COG7: variants seen among roughly 807,000 people sequenced by gnomAD.
COG7 encodes conserved oligomeric Golgi complex subunit 7.
A neutral mutation model predicts 91.5 loss-of-function variants in COG7; 49 were observed. That is an observed-to-expected ratio of 0.54 (90% CI 0.43 to 0.68). The LOEUF is 0.68. COG7 is among the 30% of genes least tolerant of loss of function. The pLI, the probability that COG7 is intolerant of heterozygous loss-of-function variation, is 0.00. For synonymous variants in COG7, 365 were observed against 388.7 expected, an observed-to-expected ratio of 0.94 and a Z score of 0.72; for missense variants, 895 against 961.3, an observed-to-expected ratio of 0.93 and a Z score of 0.91.
At chr16:23,448,445 T>C (rs1338454909) in intron 1 of COG7, among the ~76,000 whole-genome samples, 1 of 152,158 alleles carries the variant, frequency 6.6e-6, no homozygotes, top group Non-Finnish European at 1.5e-5. Flanking sequence ...ACTACAAGCA[T>C]GAACCACCAT....
At chr16:23,417,596 A>T in intron 8 of COG7, among the ~76,000 whole-genome samples, 1 of 151,832 alleles carries the variant, frequency 6.6e-6, no homozygotes, top group East Asian at 1.9e-4. Context: ...GCGAAACCCC[A>T]TCTCTACAAA....
intron 6 of COG7, among the ~76,000 whole-genome samples, chr16:23,427,485 A>C (rs1357736522): frequency 3.9e-5 from 6 of 152,008 alleles, no homozygotes; most frequent in Non-Finnish European, 8.8e-5. Context: ...AAAGAAAAAA[A>C]AAAAACAAAA....
In COG7 at chr16:23,453,139, C is replaced by A; in HGVS notation, c.-145G>T. 6.9e-7 allele frequency: 1 copy of A among 1,457,994 alleles called. No homozygotes were observed. The highest frequency in any genetic ancestry group is 1.4e-5 in the South Asian group (1 of 72,242). The allele number at this position is 1,457,994 out of a possible 1,614,324, so 90.3% of individuals were successfully genotyped here. On this transcript the variant is annotated 5_prime_UTR_variant, in exon 1 of 17. In the 5' UTR this introduces an upstream ATG that the reference lacks. Transcript: ENST00000307149. ...AAACGCCAGGACGGGTAACTTGCCC[C>A]TTTGCGCTTCCCCGCTCAGCGCACT...
At chr16:23,451,199 A>G (rs1295381583) in intron 1 of COG7, among the ~76,000 whole-genome samples, 1 of 152,162 alleles carries the variant, frequency 6.6e-6, no homozygotes, top group South Asian at 2.1e-4. Context: ...TCTCAAAAAA[A>G]ACAAAAAAAC....
At chr16:23,445,788 C>CAGGAGCCAAA in intron 2 of COG7, 25 bp downstream of exon 2, 1 of 1,612,856 alleles carries the variant, frequency 6.2e-7, no homozygotes, top group Non-Finnish European at 8.5e-7. Context: ...CCATTTACAA[C>CAGGAGCCAAA]AGGAGCCAAA....
chr16:23,445,217 C>G (rs1342203676), intron 2 of COG7, 53 bp from the exon 3 acceptor site: 3 of 1,236,484 alleles, frequency 2.4e-6, no homozygotes, highest in Non-Finnish European at 3.6e-6. Flanking sequence ...TTTTCTCCAT[C>G]TGCCACCAGG....
intron 13 of COG7, among the ~76,000 whole-genome samples, chr16:23,400,302 G>A (rs1963353014): frequency 6.6e-6 from 1 of 152,204 alleles, no homozygotes; most frequent in African/African-American, 2.4e-5. Flanking sequence ...GCTCAGAGAT[G>A]ATGAGAATCC....
At chr16:23,394,152 A>G (rs1963246461) in intron 14 of COG7, among the ~76,000 whole-genome samples, 1 of 152,188 alleles carries the variant, frequency 6.6e-6, no homozygotes, top group Non-Finnish European at 1.5e-5. Flanking sequence ...TGTTTGAAAA[A>G]AAGCCATTTA....
At chr16:23,444,488 G>C (rs889831149) in intron 3 of COG7, among the ~76,000 whole-genome samples, 3 of 149,548 alleles carry the variant, frequency 2.0e-5, no homozygotes, top group East Asian at 2.0e-4. Flanking sequence ...TTCTCTGCCT[G>C]TGCTGGTTTT....
At chr16:23,402,235 A>G (rs1041474431) in intron 13 of COG7, among the ~76,000 whole-genome samples, 1 of 152,182 alleles carries the variant, frequency 6.6e-6, no homozygotes, top group African/African-American at 2.4e-5. Flanking sequence ...CTGATGCCCA[A>G]TCAGCCTTTA....
At chr16:23,397,232 T>C (rs750802571) in intron 14 of COG7, among the ~76,000 whole-genome samples, 27 of 152,190 alleles carry the variant, frequency 1.8e-4, no homozygotes, top group Admixed American at 3.3e-4. Flanking sequence ...ACTTCTAAAA[T>C]TCCTTTCTAG....
At chr16:23,431,998 T>C (rs1280957476) in intron 6 of COG7, among the ~76,000 whole-genome samples, 1 of 151,680 alleles carries the variant, frequency 6.6e-6, no homozygotes, top group African/African-American at 2.4e-5. Context: ...TTTTTTTTAA[T>C]TAGCCAGGCA....
chr16:23,393,062 A>G (rs1256320366), intron 15 of COG7, among the ~76,000 whole-genome samples, 171 bp downstream of exon 15: 1 of 152,182 alleles, frequency 6.6e-6, no homozygotes, highest in Non-Finnish European at 1.5e-5. Context: ...AGATTTTTCA[A>G]GTTGTGATAT....
intron 4 of COG7, among the ~76,000 whole-genome samples, chr16:23,440,759 G>A (rs1000669653): frequency 2.0e-5 from 3 of 152,026 alleles, no homozygotes; most frequent in African/African-American, 7.2e-5. Flanking sequence ...ACCCGGCCGA[G>A]AACAGATACT....
At chr16:23,443,050 A>G (rs1489867944) in intron 3 of COG7, among the ~76,000 whole-genome samples, 2 of 152,008 alleles carry the variant, frequency 1.3e-5, no homozygotes, top group Admixed American at 1.3e-4. Flanking sequence ...AAAACAAAAA[A>G]CCTGTACTCA....
intron 6 of COG7, among the ~76,000 whole-genome samples, chr16:23,426,700 C>T (rs1294324112): frequency 2.0e-5 from 3 of 151,272 alleles, no homozygotes; most frequent in Non-Finnish European, 4.4e-5. Flanking sequence ...TATATGAAAA[C>T]CCACAGCTAA....
chr16:23,436,442 CTG>C (rs1189666102), intron 4 of COG7, among the ~76,000 whole-genome samples: 1 of 152,030 alleles, frequency 6.6e-6, no homozygotes, highest in Non-Finnish European at 1.5e-5. Flanking sequence ...CCTTTAAAAA[CTG>C]TTAGCTAGGC....
intron 11 of COG7, among the ~76,000 whole-genome samples, chr16:23,408,628 G>T (rs563680520): frequency 2.0e-5 from 3 of 152,022 alleles, no homozygotes; most frequent in Non-Finnish European, 4.4e-5. Flanking sequence ...GCAGGATAGA[G>T]TGGGAGCAGC....
At position 23,406,339 on chromosome 16, in the gene COG7, T is replaced by G. The variant is rs1215387116; in HGVS notation, c.1476-77A>C. On this transcript the variant is annotated intron_variant, in intron 11 of 16. Coordinates refer to ENST00000307149, the MANE Select transcript of COG7 (RefSeq NM_153603.4). ...CTTCTTGGAGCAGTCAGATTGCTCC[T>G]TACTAAATTCAAAGATAATCCTCAT... is the stretch of plus-strand genomic sequence containing the variant. The G allele has an allele frequency of 4.0e-6, 5 of 1,242,884 alleles. No individual in the cohort carries two copies. In the East Asian group the frequency reaches 1.2e-4, roughly 29 times the overall value. 77.0% of individuals were successfully genotyped at this position (1,242,884 alleles called of 1,614,324 possible).
Sources: allele counts gnomAD v4.1 joint callset (sites outside exome capture counted in the v4.1 genomes callset), GRCh38; gene constraint gnomAD v4.1.1; transcripts MANE v1.5; gene names NCBI Gene and HGNC (gene_info 2026-07-23, HGNC 2026-07-21).